PAGE2B: variants seen among roughly 807,000 people sequenced by gnomAD.
The protein encoded by PAGE2B is PAGE family member 2B.
In PAGE2B, 5 loss-of-function variants were observed where a neutral mutation model predicts 7.6. The observed-to-expected ratio is 0.66, with a 90% CI of 0.34 to 1.38. The LOEUF is 1.38. Ranked by LOEUF, PAGE2B falls within the 40% of genes most tolerant of loss-of-function variation. The probability of loss-of-function intolerance (pLI) is 0.04; values close to 1 mark genes in which losing one functional copy is unlikely to be tolerated. For synonymous variants in PAGE2B, 29 were observed against 26.7 expected (o/e 1.09, Z -0.27); for missense variants, 70 against 78.4 (o/e 0.89, Z 0.41).
the PAGE2B span, among the ~76,000 whole-genome samples, chrX:55,033,803 G>C: frequency 8.9e-6 from 1 of 112,023 alleles, no homozygotes; most frequent in African/African-American, 3.2e-5. Context: ...GGTACTTAAA[G>C]TTTTCTCTGC....
At chrX:55,071,909 A>G (rs1473689827), upstream of PAGE2B, among the ~76,000 whole-genome samples, 1 of 111,895 alleles carries the variant, frequency 8.9e-6, no homozygotes. Context: ...CCCTCAGGCC[A>G]TTTTTGTTCT....
chrX:55,067,935 C>T, the PAGE2B span, among the ~76,000 whole-genome samples: 1 of 112,105 alleles, frequency 8.9e-6, no homozygotes, highest in East Asian at 2.8e-4. Flanking sequence ...TGTTTAAGTT[C>T]TCTGTAGATT....
At chrX:55,050,953 T>C in the PAGE2B span, among the ~76,000 whole-genome samples, 20 of 111,891 alleles carry the variant, frequency 1.8e-4, no homozygotes, top group African/African-American at 6.5e-4. Flanking sequence ...GTACCGGTTG[T>C]TCCTTTCCAT....
At chrX:55,059,514 A>G in the PAGE2B span, among the ~76,000 whole-genome samples, 1 of 111,804 alleles carries the variant, frequency 8.9e-6, no homozygotes, top group Non-Finnish European at 1.9e-5. Context: ...TACAAATTAT[A>G]TATATATGAG....
chrX:55,048,974 A>T, the PAGE2B span, among the ~76,000 whole-genome samples: 2 of 111,162 alleles, frequency 1.8e-5, no homozygotes, highest in East Asian at 2.8e-4. Flanking sequence ...TTTTGAGATA[A>T]GTCCCATCAA....
At chrX:55,044,235 C>T in the PAGE2B span, among the ~76,000 whole-genome samples, 2 of 110,944 alleles carry the variant, frequency 1.8e-5, no homozygotes, top group Non-Finnish European at 3.8e-5. Flanking sequence ...AAATGCTCAC[C>T]GTCCAATGAG....
At chrX:55,046,727 T>C in the PAGE2B span, among the ~76,000 whole-genome samples, 1 of 111,631 alleles carries the variant, frequency 9.0e-6, no homozygotes, top group Non-Finnish European at 1.9e-5. Flanking sequence ...TGAAGGAGTC[T>C]AAACAGCAGA....
At chrX:55,032,155 A>G in the PAGE2B span, among the ~76,000 whole-genome samples, 1 of 111,349 alleles carries the variant, frequency 9.0e-6, no homozygotes, top group Admixed American at 9.6e-5. Flanking sequence ...ATCCTAAAAT[A>G]TAAGCATTCC....
chrX:55,038,837 A>G, the PAGE2B span, among the ~76,000 whole-genome samples: 1 of 111,597 alleles, frequency 9.0e-6, no homozygotes, highest in Non-Finnish European at 1.9e-5. Context: ...GTAACCTGGA[A>G]TAAGGAGGTA....
the PAGE2B span, among the ~76,000 whole-genome samples, chrX:55,064,636 G>GT: frequency 4.9e-4 from 52 of 105,134 alleles, no homozygotes; most frequent in Admixed American, 8.1e-4. Context: ...TGCAATGTTG[G>GT]TTTTTTTTTT....
the PAGE2B span, among the ~76,000 whole-genome samples, chrX:55,052,230 C>A: frequency 8.9e-6 from 1 of 112,245 alleles, no homozygotes; most frequent in Non-Finnish European, 1.9e-5. Context: ...CTGGGGGGTG[C>A]CTCCCAGTTA....
At chrX:55,063,123 T>G in the PAGE2B span, among the ~76,000 whole-genome samples, 1 of 111,744 alleles carries the variant, frequency 8.9e-6, no homozygotes, top group Admixed American at 9.5e-5. Flanking sequence ...AGTTTTTTTC[T>G]ATTTATATGA....
chrX:55,036,295 C>T, the PAGE2B span, among the ~76,000 whole-genome samples: 99 of 110,907 alleles, frequency 8.9e-4, 1 homozygote, highest in Middle Eastern at 4.7e-3. Context: ...CCTTTATTTC[C>T]TTCTCCTGCC....
the PAGE2B span, among the ~76,000 whole-genome samples, chrX:55,052,620 A>G: frequency 8.9e-6 from 1 of 112,881 alleles, no homozygotes; most frequent in South Asian, 3.6e-4. Flanking sequence ...GGTGCGGGAT[A>G]TAATCTCCTG....
At chrX:55,050,632 C>G in the PAGE2B span, among the ~76,000 whole-genome samples, 1 of 110,644 alleles carries the variant, frequency 9.0e-6, no homozygotes, top group Admixed American at 9.7e-5. Flanking sequence ...GATTGCAACC[C>G]CTGCCTTTTT....
chrX:55,076,398 G>A (rs1936517106), intron 2 of PAGE2B, among the ~76,000 whole-genome samples, 171 bp from the exon 3 acceptor site: 1 of 103,775 alleles, frequency 9.6e-6, no homozygotes, highest in Non-Finnish European at 1.9e-5. Flanking sequence ...ATATATGTAT[G>A]TGTATATATG....
At chrX:55,036,700 G>A in the PAGE2B span, among the ~76,000 whole-genome samples, 1 of 109,907 alleles carries the variant, frequency 9.1e-6, no homozygotes, top group Admixed American at 9.7e-5. Context: ...TACCAAAACA[G>A]AGATATAGAT....
At chrX:55,059,866 C>A in the PAGE2B span, among the ~76,000 whole-genome samples, 1 of 111,479 alleles carries the variant, frequency 9.0e-6, no homozygotes, top group Non-Finnish European at 1.9e-5. Context: ...TGAGATCATG[C>A]AGCATTTGCC....
rs1936521576 is a variant in PAGE2B at position 55,076,573 on chromosome X, A to T, written c.89A>T (p.Gln30Leu). ...SSQPVGSVIV[Q>L]EPTEEKRQEE... ...CACACACACTTACACCCTTAGGTCCAGGAGCCCACTGAGGAAAAACGTCAA... is the reference window on the plus strand; with the variant it reads ...CACACACACTTACACCCTTAGGTCCTGGAGCCCACTGAGGAAAAACGTCAA... Residue 30 changes from glutamine to leucine, a missense_variant, in exon 3 of 5, where the codon CAG (glutamine) becomes CTG (leucine). Transcript: ENST00000374971. 1 of 1,202,112 alleles carries T rather than the reference A, an allele frequency of 8.3e-7. No homozygotes were observed.
Sources: gnomAD v4.1 joint callset for allele counts (sites outside exome capture counted in the v4.1 genomes callset) on GRCh38, gnomAD v4.1.1 for gene constraint, MANE v1.5 for transcripts, NCBI Gene and HGNC (gene_info 2026-07-23, HGNC 2026-07-21) for gene names.